Variants in MARCHF4 observed in about 807,000 individuals in gnomAD.
The protein encoded by MARCHF4 is membrane associated ring-CH-type finger 4, also known as E3 ubiquitin-protein ligase MARCHF4.
In MARCHF4, 14 loss-of-function variants were observed where a neutral mutation model predicts 43.9. That is an observed-to-expected ratio of 0.32 (90% CI 0.21 to 0.50). MARCHF4 has a LOEUF of 0.50. Ranked by LOEUF, MARCHF4 falls within the 20% of genes least tolerant of loss-of-function variation. The pLI, the probability that MARCHF4 is intolerant of heterozygous loss-of-function variation, is 0.98. For synonymous variants in MARCHF4, 226 were observed against 213.3 expected (o/e 1.06, Z -0.52); for missense variants, 468 against 536.7 (o/e 0.87, Z 1.27).
chr2:216,370,090 A>G lies in MARCHF4; in HGVS notation c.171T>C (p.Pro57=), dbSNP rs764516398. ...NDLKVFLLRR[P]PQAPLPMHGD... ...CGTGCATGGGCAGGGGCGCTTGAGG[A>G]GGGCGCCGCAGTAAGAAAACCTTCA... is the stretch of plus-strand genomic sequence containing the variant. The change falls in exon 1 of 4, where the codon CCT becomes CCC. Residue 57 remains proline (P), a synonymous_variant. Transcript: ENST00000273067. 4 of 1,582,648 alleles carry G rather than the reference A, an allele frequency of 2.5e-6. No individual in the cohort carries two copies. The East Asian group carries it at 9.2e-5, about 36-fold the overall frequency.
intron 1 of MARCHF4, among the ~76,000 whole-genome samples, chr2:216,329,258 G>A (rs1163811231): frequency 1.3e-5 from 2 of 152,112 alleles, no homozygotes; most frequent in East Asian, 1.9e-4. Context: ...GCGGGCACCT[G>A]TAGTCCCAGC....
At chr2:216,336,066 T>TAAAA (rs34216672) in intron 1 of MARCHF4, among the ~76,000 whole-genome samples, 31 of 60,614 alleles carry the variant, frequency 5.1e-4, no homozygotes, top group African/African-American at 1.9e-3. Flanking sequence ...AGACTCTGTC[T>TAAAA]AAAAAAAAAA....
intron 1 of MARCHF4, among the ~76,000 whole-genome samples, chr2:216,294,707 C>G (rs1691362141): frequency 1.3e-5 from 2 of 152,244 alleles, no homozygotes; most frequent in African/African-American, 4.8e-5. Context: ...TGAAGACCCT[C>G]TCTTCTTCTC....
rs1692757639 is a variant in MARCHF4 at position 216,371,338 on chromosome 2, A to G, written c.-1078T>C. The G allele has an allele frequency of 1.3e-5, 2 of 152,802 alleles. No homozygotes were observed. Among genetic ancestry groups the G allele is most frequent in the Non-Finnish European group, 2.9e-5 (2 of 68,194 alleles). The allele number at this position is 152,802 out of a possible 1,614,324, so 9.5% of individuals were successfully genotyped here. ...GTGGCGCCCTCCCCTCGGTTCCATC[A>G]AAGGTCCCTTCGGTCGAGGGGCAAG... On this transcript the variant is annotated 5_prime_UTR_variant, in exon 1 of 4. It removes the in-frame stop codon of an upstream open reading frame in the 5' UTR. Coordinates refer to ENST00000273067, the MANE Select transcript of MARCHF4 (RefSeq NM_020814.3).
intron 1 of MARCHF4, among the ~76,000 whole-genome samples, chr2:216,311,863 A>T (rs745783815): frequency 6.6e-6 from 1 of 152,104 alleles, no homozygotes; most frequent in African/African-American, 2.4e-5. Flanking sequence ...AGGTATTATA[A>T]TTTTTATATT....
intron 1 of MARCHF4, chr2:216,303,716 CT>C (rs909691013): frequency 2.8e-4 from 43 of 152,298 alleles, no homozygotes; most frequent in African/African-American, 1.0e-3. Flanking sequence ...AAGTCTGTTC[CT>C]CTTGCCAAGT....
chr2:216,331,414 C>G (rs1007817082), intron 1 of MARCHF4, among the ~76,000 whole-genome samples: 1 of 151,994 alleles, frequency 6.6e-6, no homozygotes, highest in East Asian at 1.9e-4. Context: ...GATGAATTAT[C>G]CCAAATATTT....
At chr2:216,347,459 T>C (rs1363002171) in intron 1 of MARCHF4, among the ~76,000 whole-genome samples, 2 of 152,224 alleles carry the variant, frequency 1.3e-5, no homozygotes, top group African/African-American at 4.8e-5. Context: ...TAAACATCTC[T>C]TGAATCCATC....
At chr2:216,277,109 C>A (rs938406017) in intron 3 of MARCHF4, among the ~76,000 whole-genome samples, 1 of 152,284 alleles carries the variant, frequency 6.6e-6, no homozygotes, top group South Asian at 2.1e-4. Flanking sequence ...CATTCCTTTT[C>A]CATTCCCTGG....
chr2:216,320,655 CTTTCTTTCTTTCTTTCTTTCTTT>C (rs1691871213), intron 1 of MARCHF4, among the ~76,000 whole-genome samples: 3 of 109,378 alleles, frequency 2.7e-5, no homozygotes, highest in South Asian at 6.4e-4. Context: ...TTCTTTCTTT[CTTTCTTTCTTTCTTTCTTTCTTT>C]TTTTTTTTTT....
At chr2:216,323,467 T>C (rs142541638) in intron 1 of MARCHF4, among the ~76,000 whole-genome samples, 4,604 of 152,280 alleles carry the variant, frequency 0.03, 228 homozygotes, top group African/African-American at 0.1. Context: ...GCAGACCTAA[T>C]AGACATCTAC....
chr2:216,324,466 GA>G (rs1357145875), intron 1 of MARCHF4, among the ~76,000 whole-genome samples: 2 of 152,102 alleles, frequency 1.3e-5, no homozygotes, highest in African/African-American at 4.8e-5. Context: ...CTCATTTTAT[GA>G]GGCCAGCATC....
chr2:216,259,784 C>G lies in MARCHF4; in HGVS notation c.866-105G>C, dbSNP rs1690712279. 9 of 1,177,632 alleles carry G rather than the reference C, an allele frequency of 7.6e-6. No homozygotes were observed. In the Admixed American group the frequency reaches 1.1e-4, roughly 14 times the overall value. 72.9% of individuals were successfully genotyped at this position (1,177,632 alleles called of 1,614,324 possible). ...TCTATGCAAGGTATGGGCAATGGCTCCAGTGCTGAGCCATGGGAGGACCAT... is the reference window on the plus strand; with the variant it reads ...TCTATGCAAGGTATGGGCAATGGCTGCAGTGCTGAGCCATGGGAGGACCAT... On this transcript the variant is annotated intron_variant, in intron 3 of 3. Coordinates refer to ENST00000273067, the MANE Select transcript of MARCHF4 (RefSeq NM_020814.3).
intron 1 of MARCHF4, among the ~76,000 whole-genome samples, chr2:216,348,347 C>T (rs1341104771): frequency 6.6e-6 from 1 of 152,046 alleles, no homozygotes; most frequent in Non-Finnish European, 1.5e-5. Flanking sequence ...CCGGTTAAGG[C>T]ATTCTTAGTA....
intron 1 of MARCHF4, among the ~76,000 whole-genome samples, chr2:216,334,701 G>T (rs539107333): frequency 1.3e-5 from 2 of 152,116 alleles, no homozygotes; most frequent in African/African-American, 4.8e-5. Flanking sequence ...AGTGCGCCTG[G>T]CCTAAAGCTG....
In MARCHF4 at chr2:216,317,174, A is replaced by C. The variant is rs531228031; in HGVS notation, c.517-33445T>G. ...CGTCTTTATAGAGGACCTGCTCTCC[A>C]GTGATACATTGCTGGACAATTATCT... On this transcript the variant is annotated intron_variant, in intron 1 of 3. Coordinates refer to ENST00000273067, the MANE Select transcript of MARCHF4 (RefSeq NM_020814.3). Among the ~76,000 whole-genome samples, 61 of 152,326 alleles carry C rather than the reference A, an allele frequency of 4.0e-4. 1 individual carries two copies. The highest frequency in any genetic ancestry group is 1.4e-3 in the African/African-American group (60 of 41,562).
intron 1 of MARCHF4, among the ~76,000 whole-genome samples, chr2:216,288,755 T>C (rs531621517): frequency 1.3e-5 from 2 of 152,094 alleles, no homozygotes; most frequent in Non-Finnish European, 2.9e-5. Flanking sequence ...GGAGAACAGA[T>C]GTATTCCGCT....
intron 2 of MARCHF4, among the ~76,000 whole-genome samples, chr2:216,278,140 T>A (rs1377978733): frequency 6.6e-6 from 1 of 152,182 alleles, no homozygotes; most frequent in Non-Finnish European, 1.5e-5. Flanking sequence ...GACTTGATAA[T>A]GATATACACA....
At chr2:216,339,825 C>T (rs1303298701) in intron 1 of MARCHF4, among the ~76,000 whole-genome samples, 2 of 152,116 alleles carry the variant, frequency 1.3e-5, no homozygotes, top group African/African-American at 2.4e-5. Flanking sequence ...TCCAGGAGAT[C>T]CCATTATCAC....
Sources: gnomAD v4.1 joint callset for allele counts (sites outside exome capture counted in the v4.1 genomes callset) on GRCh38, gnomAD v4.1.1 for gene constraint, MANE v1.5 for transcripts, NCBI Gene and HGNC (gene_info 2026-07-23, HGNC 2026-07-21) for gene names.